The following COL19A1 variants were observed in gnomAD, a reference collection of about 807,000 sequenced individuals.
COL19A1 encodes the protein collagen type XIX alpha 1 chain, also known as collagen alpha-1(XIX) chain.
In COL19A1, 159 loss-of-function variants were observed where a neutral mutation model predicts 190.2. The observed-to-expected ratio is 0.84, with a 90% CI of 0.73 to 0.95. The LOEUF is 0.95. Ranked by LOEUF, COL19A1 falls within the 40% of genes least tolerant of loss-of-function variation. The pLI, the probability that COL19A1 is intolerant of heterozygous loss-of-function variation, is 0.00. For missense variants in COL19A1, 1,418 were observed against 1,431.9 expected (o/e 0.99, Z 0.16); for synonymous variants, 509 against 458.9 (o/e 1.11, Z -1.39).
At chr6:69,958,452 T>G (rs1199760962) in intron 9 of COL19A1, among the ~76,000 whole-genome samples, 1 of 152,202 alleles carries the variant, frequency 6.6e-6, no homozygotes, top group East Asian at 1.9e-4. Context: ...CACCAAATAC[T>G]TAATGTGTTT....
At chr6:70,103,993 T>C (rs532514290) in intron 16 of COL19A1, among the ~76,000 whole-genome samples, 1 of 152,184 alleles carries the variant, frequency 6.6e-6, no homozygotes, top group East Asian at 1.9e-4. Flanking sequence ...GCACCACCAC[T>C]AGAGGGCCTC....
chr6:70,060,403 G>T (rs1289507311), intron 14 of COL19A1, among the ~76,000 whole-genome samples: 1 of 152,092 alleles, frequency 6.6e-6, no homozygotes, highest in African/African-American at 2.4e-5. Flanking sequence ...CCGGGAAAAG[G>T]ACCAGTACCA....
intron 12 of COL19A1, among the ~76,000 whole-genome samples, chr6:70,027,209 T>C (rs1778775034): frequency 6.6e-6 from 1 of 152,228 alleles, no homozygotes; most frequent in Non-Finnish European, 1.5e-5. Context: ...TTCTACTAAA[T>C]GAATTCCACA....
intron 14 of COL19A1, among the ~76,000 whole-genome samples, chr6:70,067,557 G>T (rs1472478209): frequency 6.6e-6 from 1 of 152,026 alleles, no homozygotes; most frequent in Admixed American, 6.6e-5. Flanking sequence ...CACGTCGTGG[G>T]TCTGAATGCA....
At chr6:70,197,191 T>C (rs9360413) in intron 48 of COL19A1, among the ~76,000 whole-genome samples, 53,540 of 151,514 alleles carry the variant, frequency 0.35, 9,717 homozygotes, top group Middle Eastern at 0.46. Context: ...GAGGCTGAGG[T>C]GGGTGGATCA....
intron 14 of COL19A1, among the ~76,000 whole-genome samples, chr6:70,062,735 T>G (rs1261207727): frequency 1.3e-5 from 2 of 152,080 alleles, no homozygotes; most frequent in African/African-American, 2.4e-5. Context: ...TCAGGAAACC[T>G]ATCTCATCTG....
intron 11 of COL19A1, among the ~76,000 whole-genome samples, chr6:69,978,436 T>G (rs1228823609): frequency 6.6e-6 from 1 of 152,040 alleles, no homozygotes; most frequent in Non-Finnish European, 1.5e-5. Context: ...GTAAGACTCA[T>G]TCCTTGATAT....
intron 1 of COL19A1, among the ~76,000 whole-genome samples, chr6:69,868,336 T>C (rs1041847195): frequency 6.6e-6 from 1 of 152,098 alleles, no homozygotes; most frequent in Admixed American, 6.5e-5. Context: ...AGCTGAGATA[T>C]TTAGGTATTC....
At chr6:70,085,431 T>C (rs924179949) in intron 15 of COL19A1, among the ~76,000 whole-genome samples, 1 of 152,248 alleles carries the variant, frequency 6.6e-6, no homozygotes, top group Non-Finnish European at 1.5e-5. Context: ...TAGTAGACTT[T>C]TCCATTTAGT....
At chr6:70,067,097 A>G (rs1205447765) in intron 14 of COL19A1, among the ~76,000 whole-genome samples, 1 of 152,152 alleles carries the variant, frequency 6.6e-6, no homozygotes, top group Admixed American at 6.6e-5. Flanking sequence ...AATTAGTGGT[A>G]AGTACTTGAG....
intron 16 of COL19A1, among the ~76,000 whole-genome samples, chr6:70,113,035 C>T (rs1244454403): frequency 3.3e-5 from 5 of 152,164 alleles, no homozygotes; most frequent in Non-Finnish European, 4.4e-5. Context: ...ACCTGTTAAT[C>T]GCACTGCCTC....
chr6:70,041,363 AAATT>A (rs1483569402), intron 14 of COL19A1, among the ~76,000 whole-genome samples: 4 of 152,204 alleles, frequency 2.6e-5, no homozygotes, highest in African/African-American at 4.8e-5. Flanking sequence ...AACTTGATTT[AAATT>A]AATTAACTGA....
chr6:70,030,534 C>A (rs1778999400), intron 12 of COL19A1, among the ~76,000 whole-genome samples: 2 of 152,078 alleles, frequency 1.3e-5, no homozygotes, highest in Admixed American at 1.3e-4. Flanking sequence ...AATTATGTTT[C>A]ACACTTACAC....
intron 44 of COL19A1, among the ~76,000 whole-genome samples, chr6:70,181,944 G>A (rs1484480211): frequency 6.6e-6 from 1 of 152,196 alleles, no homozygotes; most frequent in East Asian, 1.9e-4. Context: ...TACGGAGGGA[G>A]ATGTAGGCAG....
chr6:69,979,113 C>T (rs1352463582), intron 11 of COL19A1, among the ~76,000 whole-genome samples: 6 of 151,852 alleles, frequency 4.0e-5, no homozygotes, highest in Admixed American at 2.6e-4. Context: ...AGCACCAGGA[C>T]TAATTGGGTT....
chr6:69,918,127 T>A (rs1771432828), intron 4 of COL19A1, among the ~76,000 whole-genome samples: 1 of 152,242 alleles, frequency 6.6e-6, no homozygotes, highest in Non-Finnish European at 1.5e-5. Context: ...AGGAGTCAGA[T>A]CACATCATAC....
Position 70,137,573 on chromosome 6 carries a change from A to C in COL19A1, c.1384-112A>C, listed in dbSNP as rs189020968. The C allele has an allele frequency of 8.4e-6, 8 of 950,876 alleles. No individual in the cohort carries two copies. The Admixed American group carries it at 1.2e-4, about 14-fold the overall frequency. 58.9% of individuals were successfully genotyped at this position (950,876 alleles called of 1,614,324 possible). A position where few individuals can be genotyped will look rare whatever the true frequency, so the allele number is the denominator to read the frequency against. On this transcript the variant is annotated intron_variant, in intron 18 of 50. Coordinates refer to ENST00000620364, the MANE Select transcript of COL19A1 (RefSeq NM_001858.6). Reference sequence around the variant, plus strand: ...AACTTTGCATTGTCTGTTGGATGCTAATAGATAAATTGTATAGTTAGCAGG... The same window carrying C: ...AACTTTGCATTGTCTGTTGGATGCTCATAGATAAATTGTATAGTTAGCAGG...
intron 16 of COL19A1, among the ~76,000 whole-genome samples, chr6:70,102,701 C>G (rs1370702067): frequency 6.6e-6 from 1 of 152,096 alleles, no homozygotes; most frequent in African/African-American, 2.4e-5. Context: ...GTTAGCTTAT[C>G]TGGATCCTTT....
chr6:70,062,868 T>C (rs1317341874), intron 14 of COL19A1, among the ~76,000 whole-genome samples: 1 of 151,354 alleles, frequency 6.6e-6, no homozygotes, highest in African/African-American at 2.4e-5. Context: ...CCAACAAAGA[T>C]CAAAAGAGAC....
Sources: allele counts gnomAD v4.1 joint callset (sites outside exome capture counted in the v4.1 genomes callset), GRCh38; gene constraint gnomAD v4.1.1; transcripts MANE v1.5; gene names NCBI Gene and HGNC (gene_info 2026-07-23, HGNC 2026-07-21).